Variants in DCDC2C observed in about 807,000 individuals in gnomAD.
The protein encoded by DCDC2C is doublecortin domain-containing protein 2C.
A neutral mutation model predicts 45.0 loss-of-function variants in DCDC2C; 44 were observed. The observed-to-expected ratio is 0.98, with a 90% confidence interval of 0.77 to 1.26. DCDC2C has a LOEUF of 1.26. Among genes scored for constraint, DCDC2C ranks in the 50% most tolerant of loss-of-function variants. The pLI is 0.00. For synonymous variants in DCDC2C, 187 were observed against 178.8 expected (o/e 1.05, Z -0.37); for missense variants, 447 against 468.9 (o/e 0.95, Z 0.43).
rs529214479 is a variant in DCDC2C at position 3,800,640 on chromosome 2, A to G, written c.1065+15540A>G. On this transcript the variant is annotated intron_variant, in intron 10 of 10. Coordinates refer to ENST00000399143, the MANE Select transcript of DCDC2C (RefSeq NM_001287444.2). Reference sequence around the variant, plus strand: ...TTCTTGAGATAATCGTGTGGCTTCAATGCGCACCAGAAGTGCTTCATGAGT... The same window carrying G: ...TTCTTGAGATAATCGTGTGGCTTCAGTGCGCACCAGAAGTGCTTCATGAGT... Among the ~76,000 whole-genome samples the G allele has an allele frequency of 6.3e-4, 78 of 124,130 alleles. 3 individuals are homozygous for G. The highest frequency in any genetic ancestry group is 1.8e-3 in the African/African-American group (70 of 39,670). 81.4% of individuals were successfully genotyped at this position (124,130 alleles called of 152,430 possible).
chr2:3,724,619 G>A (rs781071227), intron 2 of DCDC2C, among the ~76,000 whole-genome samples: 1 of 152,162 alleles, frequency 6.6e-6, no homozygotes, highest in South Asian at 2.1e-4. Context: ...TGATGTCGTC[G>A]AGCTCCTGTA....
At chr2:3,767,082 C>T (rs1277957814) in intron 6 of DCDC2C, among the ~76,000 whole-genome samples, 1 of 152,248 alleles carries the variant, frequency 6.6e-6, no homozygotes, top group Non-Finnish European at 1.5e-5. Context: ...AGGGCTGCGC[C>T]ATGATGTTCA....
At chr2:3,778,206 T>C (rs13015406) in intron 8 of DCDC2C, among the ~76,000 whole-genome samples, 51,255 of 152,166 alleles carry the variant, frequency 0.34, 8,781 homozygotes, top group South Asian at 0.45. Context: ...CCAGCTGCCA[T>C]GCATGTGCAG....
chr2:3,844,930 T>C (rs571640107), intron 10 of DCDC2C, among the ~76,000 whole-genome samples: 142 of 125,756 alleles, frequency 1.1e-3, no homozygotes, highest in African/African-American at 3.5e-3. Context: ...TTCTCCCTTT[T>C]TAAAAGCGAA....
chr2:3,764,277 T>A (rs550280919), intron 6 of DCDC2C, among the ~76,000 whole-genome samples: 197 of 152,200 alleles, frequency 1.3e-3, no homozygotes, highest in Non-Finnish European at 2.5e-3. Flanking sequence ...AAGGTCCTCA[T>A]TTAGTGTTTG....
intron 10 of DCDC2C, among the ~76,000 whole-genome samples, chr2:3,843,270 A>G (rs1244619709): frequency 6.6e-6 from 1 of 152,186 alleles, no homozygotes; most frequent in Non-Finnish European, 1.5e-5. Context: ...GCGCTGGGCC[A>G]CAAAGTGGAT....
intron 10 of DCDC2C, among the ~76,000 whole-genome samples, chr2:3,825,131 G>T (rs1017630298): frequency 1.3e-5 from 2 of 152,160 alleles, no homozygotes; most frequent in Non-Finnish European, 2.9e-5. Context: ...CATCATGGGG[G>T]ACACTTTCCC....
chr2:3,704,763 C>T (rs1213457699), intron 1 of DCDC2C, among the ~76,000 whole-genome samples: 1 of 142,312 alleles, frequency 7.0e-6, no homozygotes, highest in Non-Finnish European at 1.5e-5. Flanking sequence ...GGGAATGGGG[C>T]GGGTTGGGCA....
intron 10 of DCDC2C, among the ~76,000 whole-genome samples, chr2:3,794,692 A>C (rs1436123650): frequency 6.6e-6 from 1 of 152,234 alleles, no homozygotes; most frequent in Non-Finnish European, 1.5e-5. Flanking sequence ...AAAGGACATG[A>C]ACTCATCCTT....
At chr2:3,842,524 G>A (rs1672240697) in intron 10 of DCDC2C, among the ~76,000 whole-genome samples, 1 of 151,574 alleles carries the variant, frequency 6.6e-6, no homozygotes, top group Admixed American at 6.6e-5. Context: ...TGGGGCAGTT[G>A]GAGCAAAAAG....
intron 10 of DCDC2C, among the ~76,000 whole-genome samples, chr2:3,808,380 G>A (rs896147472): frequency 2.6e-5 from 4 of 151,854 alleles, no homozygotes; most frequent in Admixed American, 1.3e-4. Flanking sequence ...GTCACGTTTT[G>A]AGAGCTCTGT....
intron 10 of DCDC2C, among the ~76,000 whole-genome samples, chr2:3,792,015 C>G (rs1462862638): frequency 6.6e-6 from 1 of 152,142 alleles, no homozygotes; most frequent in East Asian, 1.9e-4. Context: ...CACCAGTTAT[C>G]CACAATATTA....
At chr2:3,742,668 A>ATGCTTAGCAAAACAC in intron 4 of DCDC2C, among the ~76,000 whole-genome samples, 1 of 152,218 alleles carries the variant, frequency 6.6e-6, no homozygotes, top group African/African-American at 2.4e-5. Context: ...TCATATATGT[A>ATGCTTAGCAAAACAC]AAGTGCTTAG....
At chr2:3,819,822 G>T (rs1248371069) in intron 10 of DCDC2C, among the ~76,000 whole-genome samples, 1 of 152,198 alleles carries the variant, frequency 6.6e-6, no homozygotes, top group Non-Finnish European at 1.5e-5. Context: ...AGAGGAAATT[G>T]TTGGGCAGGT....
rs769575977 is a variant in DCDC2C, at chr2:3,742,010, G to A, written c.507G>A (p.Thr169=). 48 of 1,547,844 alleles carry A rather than the reference G, an allele frequency of 3.1e-5. No individual in the cohort carries two copies. The highest frequency in any genetic ancestry group is 1.4e-5 in the African/African-American group (1 of 72,922). ...CCGATTGGGACATCGTGCTGGCCAC[G>A]ATCGGAGAAAAAGTCTTCCCTCTAG... ...SLSDWDIVLA[T]IGEKVFPLGG... The change falls in exon 4 of 11, where the codon ACG becomes ACA. Residue 169 remains threonine, a synonymous_variant. Coordinates refer to ENST00000399143, the MANE Select transcript of DCDC2C (RefSeq NM_001287444.2).
At chr2:3,782,739 A>G (rs977976297) in intron 9 of DCDC2C, among the ~76,000 whole-genome samples, 5 of 152,110 alleles carry the variant, frequency 3.3e-5, no homozygotes, top group African/African-American at 1.2e-4. Context: ...TTGGCCTCCC[A>G]AAGTGCTGGG....
At chr2:3,797,813 G>C (rs922242947) in intron 10 of DCDC2C, among the ~76,000 whole-genome samples, 1 of 151,216 alleles carries the variant, frequency 6.6e-6, no homozygotes, top group Non-Finnish European at 1.5e-5. Context: ...TTTGAAATAG[G>C]TGTGGTGTGG....
chr2:3,736,834 A>T (rs2148096993), intron 3 of DCDC2C, among the ~76,000 whole-genome samples: 1 of 152,342 alleles, frequency 6.6e-6, no homozygotes, highest in South Asian at 2.1e-4. Context: ...GGTTGTCTCA[A>T]AATCTTAGTT....
intron 10 of DCDC2C, among the ~76,000 whole-genome samples, chr2:3,845,223 C>T (rs1672299906): frequency 6.6e-6 from 1 of 152,168 alleles, no homozygotes; most frequent in African/African-American, 2.4e-5. Context: ...TTACCATAAG[C>T]AGAACCGTGC....
Sources: allele counts gnomAD v4.1 joint callset (sites outside exome capture counted in the v4.1 genomes callset), GRCh38; gene constraint gnomAD v4.1.1; transcripts MANE v1.5; gene names NCBI Gene and HGNC (gene_info 2026-07-23, HGNC 2026-07-21).